FBXL14: variants seen among roughly 807,000 people sequenced by gnomAD.
FBXL14 encodes the protein F-box and leucine rich repeat protein 14, also known as F-box/LRR-repeat protein 14.
In FBXL14, 11 loss-of-function variants were observed where a neutral mutation model predicts 24.5. The ratio of observed to expected loss-of-function variants is 0.45; its 90% CI spans 0.28 to 0.74. The LOEUF is 0.74. FBXL14 is among the 30% of genes least tolerant of loss of function. The pLI is 0.12. For synonymous variants in FBXL14, 294 were observed against 240.4 expected, an observed-to-expected ratio of 1.22 and a Z score of -2.06; for missense variants, 384 against 545.6, an observed-to-expected ratio of 0.70 and a Z score of 2.95.
chr12:1,585,862 T>C (rs530950465), intron 1 of FBXL14, among the ~76,000 whole-genome samples: 2 of 152,356 alleles, frequency 1.3e-5, no homozygotes, highest in Non-Finnish European at 2.9e-5. Context: ...TTCTACTTTA[T>C]AAAAGGATTG....
At chr12:1,592,318 AT>A (rs528596222) in intron 1 of FBXL14, among the ~76,000 whole-genome samples, 379 of 151,898 alleles carry the variant, frequency 2.5e-3, no homozygotes, top group Middle Eastern at 6.9e-3. Flanking sequence ...AGAACATGAA[AT>A]GAGCATGAAT....
chr12:1,589,436 CAA>C (rs71055169), intron 1 of FBXL14, among the ~76,000 whole-genome samples: 482 of 34,064 alleles, frequency 0.014, 9 homozygotes, highest in African/African-American at 0.065. Flanking sequence ...GACCTTGTCT[CAA>C]AAAAAAAAAA....
At chr12:1,594,599 G>A (rs1411552917), upstream of FBXL14, among the ~76,000 whole-genome samples, 2 of 148,210 alleles carry the variant, frequency 1.3e-5, no homozygotes, top group African/African-American at 4.9e-5. Context: ...CCAGCCCCGG[G>A]CCGCCCGCAC....
chr12:1,577,668 G>C (rs772566513), intron 1 of FBXL14, among the ~76,000 whole-genome samples: 2 of 152,234 alleles, frequency 1.3e-5, no homozygotes, highest in Non-Finnish European at 2.9e-5. Flanking sequence ...GCAGGGCAGG[G>C]TGAGCAGGGA....
Position 1,567,571 on chromosome 12 carries a change from C to G in FBXL14, c.1195-761G>C, listed in dbSNP as rs2094438408. Among the ~76,000 whole-genome samples, 1 of 152,150 alleles carries G rather than the reference C, an allele frequency of 6.6e-6. No individual in the cohort carries two copies. Among genetic ancestry groups the G allele is most frequent in the Admixed American group, 6.6e-5 (1 of 15,262 alleles). ...ACAGAGCAAGCTTCACAACCAGACT[C>G]AGAGACAGCAGGGATGCTGGAATTA... On this transcript the variant is annotated intron_variant, in intron 1 of 1. Coordinates refer to ENST00000339235, the MANE Select transcript of FBXL14 (RefSeq NM_152441.3). The surrounding 1 kb of genome is among the most constrained non-coding windows in gnomAD (Gnocchi z 4.8).
In FBXL14 at chr12:1,593,594, T is replaced by C; in HGVS notation, c.473A>G (p.Asn158Ser). Residue 158 changes from asparagine (N) to serine (S), a missense_variant, in exon 1 of 2, where the codon AAC becomes AGC. Asn to Ser is a conservative substitution (Grantham distance 46, BLOSUM62 1). Coordinates refer to ENST00000339235, the MANE Select transcript of FBXL14 (RefSeq NM_152441.3). This position sits in a 1 kb window ranked among gnomAD's most constrained non-coding sequence, Gnocchi z 7.4. The stretch of plus-strand genomic sequence containing the variant: ...CCAGGCGATGAGCAGAAGGCCAGTG[T>C]TGGTGATGTTGCTGCAACCTCCCAG... ...LELGGCSNIT[N>S]TGLLLIAWGL... The C allele has an allele frequency of 6.2e-7, 1 of 1,614,142 alleles. No homozygotes were observed. Among genetic ancestry groups the C allele is most frequent in the Non-Finnish European group, 8.5e-7 (1 of 1,180,006 alleles).
chr12:1,593,393 C>T lies in FBXL14; in HGVS notation c.674G>A (p.Arg225Gln). Residue 225 changes from arginine to glutamine, a missense_variant, in exon 1 of 2, where the codon CGA becomes CAA. Arg to Gln is a conservative substitution (Grantham distance 43, BLOSUM62 1). Coordinates refer to ENST00000339235, the MANE Select transcript of FBXL14 (RefSeq NM_152441.3). This position sits in a 1 kb window ranked among gnomAD's most constrained non-coding sequence, Gnocchi z 7.4. ...LTDLSLKHIS[R>Q]GLTGLRLLNL... ...GAGGAGCCTCAGGCCCGTCAGCCCTCGGGAGATGTGCTTTAGAGAAAGATC... is the reference window on the plus strand; with the variant it reads ...GAGGAGCCTCAGGCCCGTCAGCCCTTGGGAGATGTGCTTTAGAGAAAGATC... 6.2e-7 allele frequency: 1 copy of T among 1,614,018 alleles called. No homozygotes were observed. Among genetic ancestry groups the T allele is most frequent in the Non-Finnish European group, 8.5e-7 (1 of 1,180,024 alleles).
chr12:1,591,347 G>T (rs200953462), intron 1 of FBXL14, among the ~76,000 whole-genome samples: 1,883 of 138,118 alleles, frequency 0.014, 30 homozygotes, highest in African/African-American at 0.038. Context: ...CAAGGCTGTT[G>T]TTTTTTTTTT....
chr12:1,567,901 G>A lies in FBXL14; in HGVS notation c.1195-1091C>T, dbSNP rs909991798. ...CACACGCACACGCGCGCACACACGTGCGCACACACACAGAACAGAATATCC... is the reference window on the plus strand; with the variant it reads ...CACACGCACACGCGCGCACACACGTACGCACACACACAGAACAGAATATCC... On this transcript the variant is annotated intron_variant, in intron 1 of 1. Coordinates refer to ENST00000339235, the MANE Select transcript of FBXL14 (RefSeq NM_152441.3). The surrounding 1 kb of genome is among the most constrained non-coding windows in gnomAD (Gnocchi z 4.8). Among the ~76,000 whole-genome samples the A allele has an allele frequency of 2.7e-5, 4 of 149,440 alleles. No individual in the cohort carries two copies. Among genetic ancestry groups the A allele is most frequent in the Admixed American group, 2.0e-4 (3 of 15,156 alleles).
intron 1 of FBXL14, among the ~76,000 whole-genome samples, chr12:1,577,389 C>G (rs781154337): frequency 6.0e-5 from 9 of 150,044 alleles, no homozygotes; most frequent in African/African-American, 2.2e-4. Context: ...GCCTTGTCAT[C>G]TAGTTGTCCT....
chr12:1,575,569 C>G (rs763933224), intron 1 of FBXL14, among the ~76,000 whole-genome samples: 31 of 152,224 alleles, frequency 2.0e-4, no homozygotes, highest in Non-Finnish European at 3.8e-4. Context: ...CCCTCGGAAT[C>G]TCCTGTCTGA....
intron 1 of FBXL14, among the ~76,000 whole-genome samples, chr12:1,583,064 CTT>C (rs1001865190): frequency 6.6e-5 from 10 of 152,018 alleles, no homozygotes; most frequent in African/African-American, 9.7e-5. Flanking sequence ...CATAGACTCT[CTT>C]ATATTTTATG....
intron 1 of FBXL14, among the ~76,000 whole-genome samples, chr12:1,573,774 G>T (rs976881714): frequency 1.3e-5 from 2 of 152,240 alleles, no homozygotes; most frequent in African/African-American, 2.4e-5. Context: ...GGAGGCCAAG[G>T]CGGGCGGATC....
chr12:1,590,270 A>G (rs2094486555), intron 1 of FBXL14, among the ~76,000 whole-genome samples: 1 of 152,196 alleles, frequency 6.6e-6, no homozygotes, highest in African/African-American at 2.4e-5. Flanking sequence ...TGACTCTCCA[A>G]AAAGGAACAA....
chr12:1,582,595 A>G (rs1467121978), intron 1 of FBXL14, among the ~76,000 whole-genome samples: 1 of 152,162 alleles, frequency 6.6e-6, no homozygotes, highest in Non-Finnish European at 1.5e-5. Flanking sequence ...TTCTGCTTTC[A>G]TAAGACCTTC....
At position 1,569,777 on chromosome 12, in the gene FBXL14, A is replaced by G. The variant is rs987542968; in HGVS notation, c.1195-2967T>C. Among the ~76,000 whole-genome samples, 7 of 152,212 alleles carry G rather than the reference A, an allele frequency of 4.6e-5. No individual in the cohort carries two copies. Among genetic ancestry groups the G allele is most frequent in the Non-Finnish European group, 1.0e-4 (7 of 68,048 alleles). On this transcript the variant is annotated intron_variant, in intron 1 of 1. Transcript: ENST00000339235. This position sits in a 1 kb window ranked among gnomAD's most constrained non-coding sequence, Gnocchi z 4.2. ...ATGCTCATTTTATGCTGTCCCACAG[A>G]AAAGACTATTGCCAAAGAGCAGAGC...
chr12:1,566,912 G>A (rs1218414371), intron 1 of FBXL14, 102 bp from the exon 2 acceptor site: 27 of 677,964 alleles, frequency 4.0e-5, no homozygotes, highest in Non-Finnish European at 6.3e-5. Flanking sequence ...CTTTATCAGC[G>A]CCTAACTGAC....
chr12:1,592,575 T>C (rs2094492985), intron 1 of FBXL14, among the ~76,000 whole-genome samples: 1 of 152,130 alleles, frequency 6.6e-6, no homozygotes, highest in South Asian at 2.1e-4. Context: ...GCTGAATCAG[T>C]CCTCCACCCC....
intron 1 of FBXL14, among the ~76,000 whole-genome samples, chr12:1,589,224 CA>C (rs1400440410): frequency 2.4e-5 from 1 of 41,940 alleles, no homozygotes. Context: ...CCTGTTTCTA[CA>C]AAAAAAATAC....
Sources: allele counts gnomAD v4.1 joint callset (sites outside exome capture counted in the v4.1 genomes callset), GRCh38; gene constraint gnomAD v4.1.1; non-coding constraint Gnocchi (gnomAD v3.1); transcripts MANE v1.5; gene names NCBI Gene and HGNC (gene_info 2026-07-23, HGNC 2026-07-21).